The following RABGAP1L variants were observed in gnomAD, a reference collection of about 807,000 sequenced individuals.
The protein encoded by RABGAP1L is rab GTPase-activating protein 1-like.
Under a neutral mutation model 137.7 loss-of-function variants are expected in RABGAP1L, and 63 were observed. The ratio of observed to expected loss-of-function variants is 0.46; its 90% CI spans 0.37 to 0.56. The LOEUF is 0.56. Ranked by LOEUF, RABGAP1L falls within the 20% of genes least tolerant of loss-of-function variation. RABGAP1L has a pLI of 0.00. For missense variants in RABGAP1L, 1,095 were observed against 1,244.0 expected (o/e 0.88, Z 1.80); for synonymous variants, 431 against 433.7 (o/e 0.99, Z 0.08).
chr1:174,993,373 G>A lies in RABGAP1L; in HGVS notation c.*3372G>A, dbSNP rs1672180159. 6.6e-6 allele frequency: 1 copy of A among 151,928 alleles called. No individual in the cohort carries two copies. Among genetic ancestry groups the A allele is most frequent in the Admixed American group, 6.6e-5 (1 of 15,248 alleles). The allele number at this position is 151,928 out of a possible 1,614,324, so 9.4% of individuals were successfully genotyped here. On this transcript the variant is annotated 3_prime_UTR_variant, in exon 26 of 26. Transcript: ENST00000681986. The stretch of plus-strand genomic sequence containing the variant: ...AAAAGCAACCTTTGTATGGATGTGG[G>A]GATATTTAATAGTATGTATCTTGTT...
intron 18 of RABGAP1L, among the ~76,000 whole-genome samples, chr1:174,802,264 C>T (rs1445222448): frequency 6.6e-6 from 1 of 152,110 alleles, no homozygotes; most frequent in East Asian, 1.9e-4. Flanking sequence ...CTTACTTAGG[C>T]TCTATCAGTT....
intron 12 of RABGAP1L, among the ~76,000 whole-genome samples, chr1:174,385,771 A>G (rs1427018153): frequency 1.3e-5 from 2 of 152,236 alleles, no homozygotes; most frequent in Non-Finnish European, 2.9e-5. Flanking sequence ...GATGAAGCCT[A>G]GAATTCCACT....
chr1:174,985,222 G>C (rs1671482157), intron 24 of RABGAP1L, among the ~76,000 whole-genome samples: 1 of 152,116 alleles, frequency 6.6e-6, no homozygotes, highest in African/African-American at 2.4e-5. Flanking sequence ...GTGAAACCCT[G>C]TCTCTACAAA....
At chr1:174,635,795 C>T (rs955146330) in intron 13 of RABGAP1L, among the ~76,000 whole-genome samples, 2 of 152,266 alleles carry the variant, frequency 1.3e-5, no homozygotes, top group Non-Finnish European at 1.5e-5. Context: ...TACCACCCAG[C>T]ATGAAATAGC....
At chr1:174,229,122 G>A (rs1670426138) in intron 3 of RABGAP1L, among the ~76,000 whole-genome samples, 2 of 151,986 alleles carry the variant, frequency 1.3e-5, no homozygotes, top group African/African-American at 4.8e-5. Context: ...AAATTCCATT[G>A]GAATACTTAT....
chr1:174,184,364 C>G (rs1571421680), intron 1 of RABGAP1L, among the ~76,000 whole-genome samples: 1 of 152,116 alleles, frequency 6.6e-6, no homozygotes, highest in East Asian at 1.9e-4. Context: ...TATCCATGCG[C>G]AGGTTTTTGT....
chr1:174,633,126 A>G (rs1393214497), intron 13 of RABGAP1L, among the ~76,000 whole-genome samples: 6 of 151,774 alleles, frequency 4.0e-5, no homozygotes, highest in Admixed American at 3.9e-4. Flanking sequence ...TTGTTTATCT[A>G]GAAAACCCCA....
At position 174,992,021 on chromosome 1, in the gene RABGAP1L, T is replaced by TA. The variant is rs373085297; in HGVS notation, c.*2023dup. ...AAATAAGTACATTCCACAGAATGCC[T>TA]AAAGTGTGTAATTTTCTTTAAATAA... is the stretch of plus-strand genomic sequence containing the variant. On this transcript the variant is annotated 3_prime_UTR_variant, in exon 26 of 26. Coordinates refer to ENST00000681986, the MANE Select transcript of RABGAP1L (RefSeq NM_001366446.1). 3.9e-4 allele frequency: 59 copies of TA among 152,294 alleles called. No individual in the cohort carries two copies. The highest frequency in any genetic ancestry group is 1.2e-3 in the African/African-American group (51 of 41,570). 9.4% of individuals were successfully genotyped at this position (152,294 alleles called of 1,614,324 possible).
At chr1:174,347,492 TG>T (rs754356313) in intron 11 of RABGAP1L, among the ~76,000 whole-genome samples, 37,970 of 149,328 alleles carry the variant, frequency 0.25, 5,063 homozygotes, top group African/African-American at 0.34. Flanking sequence ...TGTGTGTGTG[TG>T]TGTGTGTTTT....
intron 24 of RABGAP1L, among the ~76,000 whole-genome samples, chr1:174,985,684 G>A (rs1258535495): frequency 6.6e-6 from 1 of 152,104 alleles, no homozygotes; most frequent in African/African-American, 2.4e-5. Flanking sequence ...ATCAGAATGA[G>A]TGTTCCCAAA....
chr1:174,701,033 T>A, intron 16 of RABGAP1L: 1 of 1,296,134 alleles, frequency 7.7e-7, no homozygotes, highest in Non-Finnish European at 1.0e-6. Flanking sequence ...CACATTTGGC[T>A]ATTTTTCAAA....
intron 13 of RABGAP1L, among the ~76,000 whole-genome samples, chr1:174,552,150 A>G (rs1173231603): frequency 6.6e-6 from 1 of 152,114 alleles, no homozygotes; most frequent in Non-Finnish European, 1.5e-5. Context: ...CTTCATCTGG[A>G]TTTATATTTT....
intron 13 of RABGAP1L, among the ~76,000 whole-genome samples, chr1:174,636,182 A>T (rs995182999): frequency 6.6e-6 from 1 of 152,164 alleles, no homozygotes; most frequent in Non-Finnish European, 1.5e-5. Flanking sequence ...ATTTCACTCA[A>T]TTTGGGGTTT....
intron 11 of RABGAP1L, among the ~76,000 whole-genome samples, chr1:174,329,149 G>A (rs1448506839): frequency 2.0e-5 from 3 of 151,646 alleles, no homozygotes; most frequent in African/African-American, 7.3e-5. Flanking sequence ...AAATGAAAAA[G>A]GAATCATTAC....
chr1:174,965,047 C>T, intron 20 of RABGAP1L: 1 of 1,219,594 alleles, frequency 8.2e-7, no homozygotes, highest in Non-Finnish European at 1.1e-6. Context: ...TTGAAAAATG[C>T]AGTATCCTCC....
chr1:174,207,169 CT>C (rs1359255230), intron 1 of RABGAP1L, among the ~76,000 whole-genome samples: 1 of 152,046 alleles, frequency 6.6e-6, no homozygotes, highest in African/African-American at 2.4e-5. Flanking sequence ...ACATAAAAAT[CT>C]TTTGTCAGAT....
At chr1:174,299,523 A>G (rs951680680) in intron 10 of RABGAP1L, among the ~76,000 whole-genome samples, 2 of 152,244 alleles carry the variant, frequency 1.3e-5, no homozygotes, top group Admixed American at 6.5e-5. Flanking sequence ...GCAAACAGCT[A>G]TATTGCCATA....
At chr1:174,988,293 T>G (rs943963314) in intron 24 of RABGAP1L, among the ~76,000 whole-genome samples, 6 of 152,220 alleles carry the variant, frequency 3.9e-5, no homozygotes, top group Non-Finnish European at 5.9e-5. Flanking sequence ...CTTATACAGT[T>G]GCTCTAGGAT....
chr1:174,475,088 A>T (rs1310347586), intron 13 of RABGAP1L, among the ~76,000 whole-genome samples: 1 of 152,186 alleles, frequency 6.6e-6, no homozygotes, highest in African/African-American at 2.4e-5. Flanking sequence ...GATGTCATAT[A>T]CAAGCAGGTG....
Sources: allele counts gnomAD v4.1 joint callset (sites outside exome capture counted in the v4.1 genomes callset), GRCh38; gene constraint gnomAD v4.1.1; transcripts MANE v1.5; gene names NCBI Gene and HGNC (gene_info 2026-07-23, HGNC 2026-07-21).